Variants in CHODL observed in about 807,000 individuals in gnomAD.
CHODL encodes chondrolectin.
In CHODL, 29 loss-of-function variants were observed where a neutral mutation model predicts 34.5. The ratio of observed to expected loss-of-function variants is 0.84; its 90% CI spans 0.63 to 1.15. The LOEUF (loss-of-function observed/expected upper bound fraction) is 1.15. Ranked by LOEUF, CHODL falls within the 50% of genes most tolerant of loss-of-function variation. The probability of loss-of-function intolerance (pLI) is 0.00; values close to 1 mark genes in which losing one functional copy is unlikely to be tolerated. For synonymous variants in CHODL, 125 were observed against 116.1 expected (o/e 1.08, Z -0.49); for missense variants, 332 against 332.5 (o/e 1.00, Z 0.01).
chr21:18,145,127 A>G lies in CHODL; in HGVS notation c.-44-111382A>G, dbSNP rs1226588722. Among the ~76,000 whole-genome samples the G allele has an allele frequency of 2.6e-5, 4 of 151,118 alleles. No individual in the cohort carries two copies. The East Asian group carries it at 7.8e-4, about 30-fold the overall frequency. Reference sequence around the variant, plus strand: ...AGTCAGTAAAGCAGAACACTTCAACATCTCTGCTCATTAGAAAGTGGCATT... The same window carrying G: ...AGTCAGTAAAGCAGAACACTTCAACGTCTCTGCTCATTAGAAAGTGGCATT... On this transcript the variant is annotated intron_variant, in intron 2 of 6. Coordinates refer to the CHODL transcript ENST00000400127.
At chr21:18,016,294 G>T (rs1006799872) in intron 1 of CHODL, among the ~76,000 whole-genome samples, 1 of 152,212 alleles carries the variant, frequency 6.6e-6, no homozygotes, top group Non-Finnish European at 1.5e-5. Flanking sequence ...TGGCTAAAAG[G>T]GGCCAAGGTG....
chr21:17,998,710 G>A (rs1055528659), intron 1 of CHODL, among the ~76,000 whole-genome samples: 6 of 152,206 alleles, frequency 3.9e-5, no homozygotes, highest in Admixed American at 2.0e-4. Context: ...CAAGCTCTAC[G>A]TTGGCCCCTT....
At chr21:18,103,275 C>A (rs184265101) in intron 2 of CHODL, among the ~76,000 whole-genome samples, 174 of 152,156 alleles carry the variant, frequency 1.1e-3, no homozygotes, top group African/African-American at 3.8e-3. Flanking sequence ...GACCCTTTGT[C>A]ATTTAAAAAA....
At chr21:18,025,721 G>C (rs552397488) in intron 1 of CHODL, among the ~76,000 whole-genome samples, 1 of 152,164 alleles carries the variant, frequency 6.6e-6, no homozygotes, top group South Asian at 2.1e-4. Flanking sequence ...CGGGGAGCTA[G>C]AAGGCTGCGA....
chr21:17,972,803 A>G (rs2063626280), intron 1 of CHODL, among the ~76,000 whole-genome samples: 1 of 152,232 alleles, frequency 6.6e-6, no homozygotes, highest in Admixed American at 6.5e-5. Context: ...TTCAAATTTC[A>G]TATGGAACCA....
At chr21:18,183,110 G>A (rs1232045766) in intron 2 of CHODL, among the ~76,000 whole-genome samples, 2 of 152,180 alleles carry the variant, frequency 1.3e-5, no homozygotes, top group East Asian at 3.8e-4. Context: ...CTTTAAAAAT[G>A]TATTTAGAAT....
intron 2 of CHODL, among the ~76,000 whole-genome samples, chr21:18,110,331 A>T (rs2065332582): frequency 3.3e-5 from 5 of 152,286 alleles, no homozygotes; most frequent in Middle Eastern, 3.4e-3. Context: ...TTGAGAGGTG[A>T]TTCACTTTTC....
intron 1 of CHODL, among the ~76,000 whole-genome samples, chr21:17,942,264 A>G (rs2063370737): frequency 6.6e-6 from 1 of 152,172 alleles, no homozygotes; most frequent in Non-Finnish European, 1.5e-5. Context: ...CTCATCTTGA[A>G]TTGTAACTCC....
In CHODL at chr21:18,267,053, A is replaced by ATAT. The variant is rs2074472124; in HGVS notation, c.*1018_*1020dup. Reference sequence around the variant, plus strand: ...CCCTAGCTGTATTTAGCCTCTGACTATATTAGTATACAAAGAGGTCATGTG... The same window carrying ATAT: ...CCCTAGCTGTATTTAGCCTCTGACTATATTATTAGTATACAAAGAGGTCATGTG... On this transcript the variant is annotated 3_prime_UTR_variant, in exon 6 of 6. Transcript: ENST00000299295. 6.6e-6 allele frequency: 1 copy of ATAT among 152,220 alleles called. No homozygotes were observed. The highest frequency in any genetic ancestry group is 2.1e-4 in the South Asian group (1 of 4,830). The allele number at this position is 152,220 out of a possible 1,614,324, so 9.4% of individuals were successfully genotyped here. A position where few individuals can be genotyped will look rare whatever the true frequency, so the allele number is the denominator to read the frequency against.
chr21:18,077,624 TTACAA>T (rs2064881935), intron 2 of CHODL, among the ~76,000 whole-genome samples: 1 of 152,148 alleles, frequency 6.6e-6, no homozygotes, highest in African/African-American at 2.4e-5. Flanking sequence ...ATTAGTGCCC[TTACAA>T]TAGAGACTCC....
Position 18,232,941 on chromosome 21 carries a change from T to TTATA in CHODL, c.-44-23568_-44-23567insTATA, listed in dbSNP as rs752640406. Among the ~76,000 whole-genome samples the TTATA allele has an allele frequency of 4.4e-3, 431 of 97,598 alleles. 14 individuals are homozygous for TTATA. The highest frequency in any genetic ancestry group is 0.011 in the East Asian group (35 of 3,306). The allele number at this position is 97,598 out of a possible 152,430, so 64.0% of individuals were successfully genotyped here. On this transcript the variant is annotated intron_variant, in intron 2 of 6. Coordinates refer to the CHODL transcript ENST00000400127. ...TAATTATGGGGTCCACATGATGTTA[T>TTATA]GATATATATATATATATATATATAT...
intron 2 of CHODL, among the ~76,000 whole-genome samples, chr21:18,065,129 T>G (rs979630719): frequency 5.3e-5 from 8 of 152,214 alleles, no homozygotes; most frequent in Non-Finnish European, 7.3e-5. Context: ...TTGCCAGCAC[T>G]TGCTCTTGAA....
intron 2 of CHODL, among the ~76,000 whole-genome samples, chr21:18,069,944 CT>C (rs1265349187): frequency 6.6e-6 from 1 of 150,506 alleles, no homozygotes; most frequent in East Asian, 2.0e-4. Context: ...CCCTCCCTCA[CT>C]TCTTCCTCCC....
chr21:18,136,131 A>G (rs1345233481), intron 2 of CHODL, among the ~76,000 whole-genome samples: 2 of 151,150 alleles, frequency 1.3e-5, no homozygotes, highest in Non-Finnish European at 3.0e-5. Flanking sequence ...AAAAGAAAAA[A>G]AAGAAAAAAT....
intron 2 of CHODL, among the ~76,000 whole-genome samples, chr21:18,145,266 T>C (rs1206245348): frequency 1.4e-5 from 2 of 139,680 alleles, no homozygotes; most frequent in African/African-American, 5.3e-5. Context: ...GAAACCCCCG[T>C]CTCTACTAAA....
intron 2 of CHODL, among the ~76,000 whole-genome samples, chr21:18,224,622 G>A (rs2073914909): frequency 6.6e-6 from 1 of 152,098 alleles, no homozygotes; most frequent in Non-Finnish European, 1.5e-5. Context: ...GCACAAATTA[G>A]TATAGAGCTT....
intron 1 of CHODL, among the ~76,000 whole-genome samples, chr21:18,248,635 C>T (rs1453041480): frequency 8.3e-6 from 1 of 121,008 alleles, no homozygotes; most frequent in Non-Finnish European, 1.6e-5. Flanking sequence ...ATATATAATA[C>T]ATATATGTAT....
intron 1 of CHODL, among the ~76,000 whole-genome samples, chr21:17,931,310 A>G (rs913335574): frequency 1.3e-5 from 2 of 152,236 alleles, no homozygotes; most frequent in African/African-American, 4.8e-5. Flanking sequence ...GCCCGATACA[A>G]AACATGCTAA....
chr21:18,070,930 TACTC>T (rs2064796705), intron 2 of CHODL, among the ~76,000 whole-genome samples: 1 of 152,110 alleles, frequency 6.6e-6, no homozygotes, highest in Admixed American at 6.5e-5. Flanking sequence ...CTTCCTGCAT[TACTC>T]AGTTCAGTAA....
Sources: gnomAD v4.1 joint callset for allele counts (sites outside exome capture counted in the v4.1 genomes callset) on GRCh38, gnomAD v4.1.1 for gene constraint, MANE v1.5 for transcripts, NCBI Gene and HGNC (gene_info 2026-07-23, HGNC 2026-07-21) for gene names.